UBE2W: variants seen among roughly 807,000 people sequenced by gnomAD.
The protein encoded by UBE2W is ubiquitin-conjugating enzyme E2 W.
Under a neutral mutation model 27.2 loss-of-function variants are expected in UBE2W, and 18 were observed. That is an observed-to-expected ratio of 0.66 (90% CI 0.46 to 0.98). The LOEUF is 0.98. Among genes scored for constraint, UBE2W ranks in the 50% least tolerant of loss-of-function variants. The pLI, the probability that UBE2W is intolerant of heterozygous loss-of-function variation, is 0.00. For synonymous variants in UBE2W, 53 were observed against 57.2 expected (o/e 0.93, Z 0.33); for missense variants, 90 against 180.2 (o/e 0.50, Z 2.87).
At chr8:73,826,311 G>C (rs962884868) in intron 2 of UBE2W, among the ~76,000 whole-genome samples, 4 of 152,162 alleles carry the variant, frequency 2.6e-5, no homozygotes, top group Non-Finnish European at 5.9e-5. Flanking sequence ...AAAGATAACA[G>C]GGCAGCATTA....
chr8:73,847,364 C>G (rs570279037), intron 1 of UBE2W, among the ~76,000 whole-genome samples: 1 of 152,180 alleles, frequency 6.6e-6, no homozygotes, highest in African/African-American at 2.4e-5. Context: ...TAGGTATGTA[C>G]GGGAACTGAA....
chr8:73,812,530 T>TA, intron 3 of UBE2W, among the ~76,000 whole-genome samples: 1 of 152,340 alleles, frequency 6.6e-6, no homozygotes, highest in Admixed American at 6.5e-5. Context: ...AACTATAGTT[T>TA]ATTACATCAT....
Position 73,848,126 on chromosome 8 carries a change from G to A in UBE2W, c.16-17654C>T, listed in dbSNP as rs369525611. Among the ~76,000 whole-genome samples, 27 of 151,846 alleles carry A rather than the reference G, an allele frequency of 1.8e-4. No homozygotes were observed. The South Asian group carries it at 5.2e-3, about 29-fold the overall frequency. On this transcript the variant is annotated intron_variant, in intron 1 of 5. Coordinates refer to ENST00000602593, the MANE Select transcript of UBE2W (RefSeq NM_018299.6). Reference sequence around the variant, plus strand: ...TGAGGCAAGAGAATCGCTTGAACCCGGGAGGCCAAGGTTGCAGTGAGCCAA... The same window carrying A: ...TGAGGCAAGAGAATCGCTTGAACCCAGGAGGCCAAGGTTGCAGTGAGCCAA...
chr8:73,833,124 G>A (rs1343683979), intron 1 of UBE2W, among the ~76,000 whole-genome samples: 2 of 146,482 alleles, frequency 1.4e-5, no homozygotes, highest in Non-Finnish European at 3.0e-5. Flanking sequence ...GGCAGAGGTT[G>A]CAGTGAGCTG....
In UBE2W at chr8:73,786,581, C is replaced by G; in HGVS notation, c.*7521G>C. The G allele has an allele frequency of 3.0e-6, 3 of 985,368 alleles. No individual in the cohort carries two copies. Among genetic ancestry groups the G allele is most frequent in the Non-Finnish European group, 3.6e-6 (3 of 829,936 alleles). 61.0% of individuals were successfully genotyped at this position (985,368 alleles called of 1,614,324 possible). On this transcript the variant is annotated 3_prime_UTR_variant, in exon 6 of 6. Coordinates refer to ENST00000602593, the MANE Select transcript of UBE2W (RefSeq NM_018299.6). ...ACCTTTCAGCTACCTTTGAACTAGACCTTTCAGGTAGAAACGCAGATCATG... is the reference window on the plus strand; with the variant it reads ...ACCTTTCAGCTACCTTTGAACTAGAGCTTTCAGGTAGAAACGCAGATCATG...
chr8:73,878,807 C>G lies in UBE2W; in HGVS notation c.15+1G>C, dbSNP rs1812357570. On this transcript the variant is annotated splice_donor_variant, in intron 1 of 5. Coordinates refer to ENST00000602593, the MANE Select transcript of UBE2W (RefSeq NM_018299.6). LOFTEE classifies it high-confidence loss of function. ...GCCCAGATGCAGCAAACTCCTCTCA[C>G]CTGCATTGACGCCATGATGGAACCA... is the stretch of plus-strand genomic sequence containing the variant. The G allele has an allele frequency of 6.4e-7, 1 of 1,550,710 alleles. No individual in the cohort carries two copies. Among genetic ancestry groups the G allele is most frequent in the African/African-American group, 1.4e-5 (1 of 72,932 alleles).
At chr8:73,799,006 T>G (rs566831946) in intron 5 of UBE2W, among the ~76,000 whole-genome samples, 1 of 152,110 alleles carries the variant, frequency 6.6e-6, no homozygotes, top group African/African-American at 2.4e-5. Context: ...CCGCACTGCC[T>G]TAACTGGCAA....
Position 73,789,023 on chromosome 8 carries a change from CA to C in UBE2W, c.*5078del. ...TAGAGACTCATCACAAAATACAAGT[CA>C]CAATATTAACATATGAAAATTAAAA... is the stretch of plus-strand genomic sequence containing the variant. On this transcript the variant is annotated 3_prime_UTR_variant, in exon 6 of 6. Transcript: ENST00000602593. 2 of 983,704 alleles carry C rather than the reference CA, an allele frequency of 2.0e-6. No homozygotes were observed. The highest frequency in any genetic ancestry group is 2.4e-6 in the Non-Finnish European group (2 of 828,544). The allele number at this position is 983,704 out of a possible 1,614,324, so 60.9% of individuals were successfully genotyped here.
chr8:73,826,750 AGTTAT>A (rs1207726303), intron 2 of UBE2W, among the ~76,000 whole-genome samples: 1 of 152,218 alleles, frequency 6.6e-6, no homozygotes, highest in African/African-American at 2.4e-5. Flanking sequence ...TGTGTGAACA[AGTTAT>A]GTTATCTCTC....
At chr8:73,853,590 T>C (rs1223517808) in intron 1 of UBE2W, among the ~76,000 whole-genome samples, 3 of 152,130 alleles carry the variant, frequency 2.0e-5, no homozygotes, top group Admixed American at 1.3e-4. Flanking sequence ...GGAAACTCAA[T>C]CTCTGATTTG....
intron 1 of UBE2W, among the ~76,000 whole-genome samples, chr8:73,850,744 A>C (rs560764502): frequency 2.6e-5 from 4 of 151,134 alleles, no homozygotes; most frequent in South Asian, 2.1e-4. Flanking sequence ...AAAAAAAAAA[A>C]AAAAAACAGG....
Position 73,789,625 on chromosome 8 carries a change from C to G in UBE2W, c.*4477G>C, listed in dbSNP as rs1267471183. ...CTTTGGGAGGCTGAGGTGGGCAGAT[C>G]ACTTGAAGTCAGGAGTTCAACACCA... On this transcript the variant is annotated 3_prime_UTR_variant, in exon 6 of 6. Transcript: ENST00000602593. The G allele has an allele frequency of 6.6e-6, 1 of 152,620 alleles. No homozygotes were observed. Among genetic ancestry groups the G allele is most frequent in the Non-Finnish European group, 1.5e-5 (1 of 68,546 alleles). The allele number at this position is 152,620 out of a possible 1,614,324, so 9.5% of individuals were successfully genotyped here. A position where few individuals can be genotyped will look rare whatever the true frequency, so the allele number is the denominator to read the frequency against.
chr8:73,861,425 A>G (rs1274545518), intron 1 of UBE2W, among the ~76,000 whole-genome samples: 2 of 152,154 alleles, frequency 1.3e-5, no homozygotes, highest in Non-Finnish European at 2.9e-5. Flanking sequence ...AGAAAGGACT[A>G]TTCTTGGTAC....
At position 73,788,221 on chromosome 8, in the gene UBE2W, AAT is replaced by A. The variant is rs1402149737; in HGVS notation, c.*5879_*5880del. ...AACAAGTCTGATACATGTATTAAAAAATATATAACATAGATTTGTCTGTTTTA... is the reference window on the plus strand; with the variant it reads ...AACAAGTCTGATACATGTATTAAAAAATATAACATAGATTTGTCTGTTTTA... On this transcript the variant is annotated 3_prime_UTR_variant, in exon 6 of 6. Transcript: ENST00000602593. The A allele has an allele frequency of 4.2e-6, 4 of 943,142 alleles. No individual in the cohort carries two copies. The African/African-American group carries it at 5.3e-5, about 13-fold the overall frequency. The allele number at this position is 943,142 out of a possible 1,614,324, so 58.4% of individuals were successfully genotyped here.
intron 1 of UBE2W, among the ~76,000 whole-genome samples, chr8:73,844,487 C>T (rs189582132): frequency 2.6e-5 from 4 of 152,316 alleles, no homozygotes; most frequent in East Asian, 1.9e-4. Context: ...GGCATGATCT[C>T]GGCTCACTAC....
chr8:73,794,004 T>G lies in UBE2W; in HGVS notation c.*98A>C, dbSNP rs1199874050. ...GGAAGTAGTCTTCATTGCCTATAGGTCACTTCCAGTCAAAGGTTAAAGTTC... is the reference window on the plus strand; with the variant it reads ...GGAAGTAGTCTTCATTGCCTATAGGGCACTTCCAGTCAAAGGTTAAAGTTC... On this transcript the variant is annotated 3_prime_UTR_variant, in exon 6 of 6. Coordinates refer to ENST00000602593, the MANE Select transcript of UBE2W (RefSeq NM_018299.6). The G allele has an allele frequency of 1.0e-5, 16 of 1,577,168 alleles. No individual in the cohort carries two copies. The highest frequency in any genetic ancestry group is 1.4e-5 in the Non-Finnish European group (16 of 1,163,166).
chr8:73,845,897 A>T (rs1040004695), intron 1 of UBE2W, among the ~76,000 whole-genome samples: 12 of 151,470 alleles, frequency 7.9e-5, no homozygotes, highest in Non-Finnish European at 1.6e-4. Context: ...AACTAAGTTT[A>T]AAAAAAAATG....
Position 73,878,849 on chromosome 8 carries a change from G to A in UBE2W, c.-27C>T, listed in dbSNP as rs868395807. ...ATGGAACCATCCCCCCAAGACCGGC[G>A]AGGCCAGAGACGCAGGGGGAGGAGC... is the stretch of plus-strand genomic sequence containing the variant. On this transcript the variant is annotated 5_prime_UTR_variant, in exon 1 of 6. Coordinates refer to ENST00000602593, the MANE Select transcript of UBE2W (RefSeq NM_018299.6). 6.5e-7 allele frequency: 1 copy of A among 1,547,858 alleles called. No individual in the cohort carries two copies. The highest frequency in any genetic ancestry group is 8.7e-7 in the Non-Finnish European group (1 of 1,144,906).
In UBE2W at chr8:73,791,262, C is replaced by G. The variant is rs1288571644; in HGVS notation, c.*2840G>C. The G allele has an allele frequency of 7.2e-6, 7 of 967,436 alleles. No individual in the cohort carries two copies. In the African/African-American group the frequency reaches 1.3e-4, roughly 18 times the overall value. The allele number at this position is 967,436 out of a possible 1,614,324, so 59.9% of individuals were successfully genotyped here. On this transcript the variant is annotated 3_prime_UTR_variant, in exon 6 of 6. Coordinates refer to ENST00000602593, the MANE Select transcript of UBE2W (RefSeq NM_018299.6). ...ACCTATGGCATTAATCCCTACTTGA[C>G]CAAAGAAAAAAAAAAAAAAGAAGGG...
Sources: allele counts gnomAD v4.1 joint callset (sites outside exome capture counted in the v4.1 genomes callset), GRCh38; gene constraint gnomAD v4.1.1; transcripts MANE v1.5; gene names NCBI Gene and HGNC (gene_info 2026-07-23, HGNC 2026-07-21).